NEGR1: variants seen among roughly 807,000 people sequenced by gnomAD.
NEGR1 encodes neuronal growth regulator 1, also known as IgLON family member 4.
Under a neutral mutation model 40.9 loss-of-function variants are expected in NEGR1, and 10 were observed. The ratio of observed to expected loss-of-function variants is 0.24; its 90% confidence interval spans 0.15 to 0.42. NEGR1 has a LOEUF of 0.42. Ranked by LOEUF, NEGR1 falls within the 10% of genes least tolerant of loss-of-function variation. The pLI is 1.00. For missense variants in NEGR1, 352 were observed against 438.9 expected (o/e 0.80, Z 1.77); for synonymous variants, 185 against 166.8 (o/e 1.11, Z -0.84).
intron 3 of NEGR1, among the ~76,000 whole-genome samples, chr1:71,724,003 C>A (rs1262738058): frequency 1.3e-5 from 2 of 152,082 alleles, no homozygotes; most frequent in East Asian, 1.9e-4. Flanking sequence ...GTCCTCTCAC[C>A]AGGCTTATGG....
At chr1:71,612,145 C>A (rs188099188) in intron 4 of NEGR1, among the ~76,000 whole-genome samples, 14 of 152,164 alleles carry the variant, frequency 9.2e-5, no homozygotes, top group African/African-American at 3.1e-4. Context: ...TGGCGTGAAC[C>A]CAGGGGGCAA....
chr1:72,258,480 A>C (rs1557601846), intron 1 of NEGR1, among the ~76,000 whole-genome samples: 1 of 152,182 alleles, frequency 6.6e-6, no homozygotes, highest in Non-Finnish European at 1.5e-5. Flanking sequence ...TCGCTGACTT[A>C]GAGTGAAAAA....
intron 2 of NEGR1, among the ~76,000 whole-genome samples, chr1:71,902,855 T>A (rs1661177060): frequency 6.6e-6 from 1 of 152,084 alleles, no homozygotes; most frequent in Admixed American, 6.5e-5. Context: ...TAAAGTATAC[T>A]TAAATTATAA....
chr1:71,445,299 C>CT (rs67225048), intron 6 of NEGR1, among the ~76,000 whole-genome samples: 439 of 132,918 alleles, frequency 3.3e-3, no homozygotes, highest in East Asian at 9.7e-3. Flanking sequence ...AAGCTCAATG[C>CT]TTTTTTTTTT....
chr1:72,206,910 G>C (rs1211046075), intron 1 of NEGR1, among the ~76,000 whole-genome samples: 3 of 151,844 alleles, frequency 2.0e-5, no homozygotes, highest in Admixed American at 1.3e-4. Flanking sequence ...GGTATGAAAA[G>C]TAAGAGAACC....
chr1:71,777,701 G>A (rs987004710), intron 2 of NEGR1, among the ~76,000 whole-genome samples: 19 of 151,878 alleles, frequency 1.3e-4, no homozygotes, highest in African/African-American at 2.9e-4. Context: ...CTGTTGTGAC[G>A]ATAAATTACC....
intron 2 of NEGR1, among the ~76,000 whole-genome samples, chr1:71,910,269 C>A (rs1044521778): frequency 2.6e-5 from 4 of 152,120 alleles, no homozygotes; most frequent in Admixed American, 1.3e-4. Flanking sequence ...TATAAACTTG[C>A]GAGCAAGCAA....
intron 2 of NEGR1, among the ~76,000 whole-genome samples, chr1:71,927,818 TAAAAAAAAAAAAAAAAA>T (rs35429988): frequency 8.9e-5 from 2 of 22,448 alleles, no homozygotes; most frequent in African/African-American, 3.9e-4. Context: ...ACCCAATCTC[TAAAAAAAAAAAAAAAAA>T]AAAAAAAAAA....
At chr1:71,712,423 C>T (rs761463788) in intron 3 of NEGR1, among the ~76,000 whole-genome samples, 1 of 152,094 alleles carries the variant, frequency 6.6e-6, no homozygotes, top group Non-Finnish European at 1.5e-5. Flanking sequence ...TGAATTACAA[C>T]TCACTTTGCT....
intron 1 of NEGR1, among the ~76,000 whole-genome samples, chr1:72,164,902 A>G (rs2100382401): frequency 6.6e-6 from 1 of 152,248 alleles, no homozygotes; most frequent in African/African-American, 2.4e-5. Flanking sequence ...AAGTATCACC[A>G]TAGCTAACTT....
intron 2 of NEGR1, among the ~76,000 whole-genome samples, chr1:71,793,358 C>T (rs1657190377): frequency 1.1e-5 from 1 of 93,642 alleles, no homozygotes; most frequent in African/African-American, 4.3e-5. Context: ...ATCTGCCCGC[C>T]TCGGCCTCCC....
intron 2 of NEGR1, among the ~76,000 whole-genome samples, chr1:71,815,429 A>C (rs964262904): frequency 2.0e-5 from 3 of 151,892 alleles, no homozygotes; most frequent in African/African-American, 7.3e-5. Context: ...GGTCCACTTG[A>C]TCCAGGGCTG....
chr1:71,958,237 T>G (rs1264295828), intron 1 of NEGR1, among the ~76,000 whole-genome samples: 1 of 152,214 alleles, frequency 6.6e-6, no homozygotes, highest in Non-Finnish European at 1.5e-5. Context: ...ATTTCCCCCC[T>G]TAGGGACATT....
intron 1 of NEGR1, among the ~76,000 whole-genome samples, chr1:72,179,490 G>T (rs115571896): frequency 0.022 from 3,371 of 152,114 alleles, 122 homozygotes; most frequent in African/African-American, 0.077. Flanking sequence ...ATTAGCTCAG[G>T]TGAAATGCTC....
chr1:71,858,210 T>C (rs1659840764), intron 2 of NEGR1, among the ~76,000 whole-genome samples: 1 of 152,106 alleles, frequency 6.6e-6, no homozygotes, highest in African/African-American at 2.4e-5. Context: ...ATCCTTCTCC[T>C]ACACTTATCC....
intron 1 of NEGR1, among the ~76,000 whole-genome samples, chr1:71,966,678 A>G (rs1201759787): frequency 6.6e-6 from 1 of 152,190 alleles, no homozygotes; most frequent in East Asian, 1.9e-4. Context: ...CTGAATTTTC[A>G]GTGAAACAAA....
chr1:71,485,046 C>G (rs1426709802), intron 6 of NEGR1, among the ~76,000 whole-genome samples: 2 of 151,604 alleles, frequency 1.3e-5, no homozygotes, highest in Non-Finnish European at 3.0e-5. Flanking sequence ...TGTTTTCTAA[C>G]AGCAGACACA....
chr1:71,793,674 A>C (rs1179465274), intron 2 of NEGR1, among the ~76,000 whole-genome samples: 1 of 152,132 alleles, frequency 6.6e-6, no homozygotes, highest in Non-Finnish European at 1.5e-5. Flanking sequence ...GCAACATTGG[A>C]TTCATCAAGT....
At chr1:71,613,748 A>G (rs1650349490) in intron 4 of NEGR1, among the ~76,000 whole-genome samples, 1 of 152,158 alleles carries the variant, frequency 6.6e-6, no homozygotes, top group Admixed American at 6.5e-5. Flanking sequence ...AGTTTTTAAC[A>G]TACTATAATT....
Sources: gnomAD v4.1 joint callset for allele counts (sites outside exome capture counted in the v4.1 genomes callset) on GRCh38, gnomAD v4.1.1 for gene constraint, MANE v1.5 for transcripts, NCBI Gene and HGNC (gene_info 2026-07-23, HGNC 2026-07-21) for gene names.